Variants in CSMD1 observed in about 807,000 individuals in gnomAD.
The protein encoded by CSMD1 is CUB and sushi domain-containing protein 1.
In CSMD1, 213 loss-of-function variants were observed where a neutral mutation model predicts 417.5. The observed-to-expected ratio is 0.51, with a 90% CI of 0.46 to 0.57. CSMD1 has a LOEUF of 0.57. Ranked by LOEUF, CSMD1 falls within the 20% of genes least tolerant of loss-of-function variation. The pLI, the probability that CSMD1 is intolerant of heterozygous loss-of-function variation, is 0.00. For synonymous variants in CSMD1, 2,862 were observed against 1,736.8 expected, an observed-to-expected ratio of 1.65 and a Z score of -16.11; for missense variants, 6,923 against 4,529.7, an observed-to-expected ratio of 1.53 and a Z score of -15.17.
At chr8:3,226,783 C>G (rs1336993893) in intron 27 of CSMD1, among the ~76,000 whole-genome samples, 1 of 151,774 alleles carries the variant, frequency 6.6e-6, no homozygotes, top group Non-Finnish European at 1.5e-5. Flanking sequence ...TAAGTGTTGT[C>G]ACACACAACA....
chr8:3,818,777 C>G (rs2129081290), intron 5 of CSMD1, among the ~76,000 whole-genome samples: 1 of 152,220 alleles, frequency 6.6e-6, no homozygotes, highest in African/African-American at 2.4e-5. Context: ...CTGGCATAAC[C>G]CCAAAACACC....
At chr8:4,207,735 T>C (rs1161304617) in intron 3 of CSMD1, among the ~76,000 whole-genome samples, 1 of 152,026 alleles carries the variant, frequency 6.6e-6, no homozygotes, top group African/African-American at 2.4e-5. Context: ...AAAATAACAG[T>C]AGATACTGTA....
chr8:4,360,480 C>T (rs558732308), intron 3 of CSMD1, among the ~76,000 whole-genome samples: 2 of 152,074 alleles, frequency 1.3e-5, no homozygotes, highest in Non-Finnish European at 2.9e-5. Context: ...TTTTCTTGCA[C>T]ATACTTCCTG....
chr8:4,985,368 A>AAAATG (rs1811121641), intron 1 of CSMD1, among the ~76,000 whole-genome samples: 1 of 151,424 alleles, frequency 6.6e-6, no homozygotes, highest in African/African-American at 2.4e-5. Flanking sequence ...CCTGGAACTT[A>AAAATG]AAAGTTTTTT....
At chr8:3,990,003 G>A (rs1188935551) in intron 5 of CSMD1, among the ~76,000 whole-genome samples, 1 of 152,240 alleles carries the variant, frequency 6.6e-6, no homozygotes, top group African/African-American at 2.4e-5. Context: ...ACACGAGGAT[G>A]TGCCAGTTGG....
Position 3,774,739 on chromosome 8 carries a change from G to A in CSMD1, c.819-20697C>T, listed in dbSNP as rs551199965. On this transcript the variant is annotated intron_variant, in intron 5 of 69. Transcript: ENST00000635120. ...TTTCTGCTCTCAAATTTTGGTGAAA[G>A]GATTTCTATTTACTATTCTAATGAG... Among the ~76,000 whole-genome samples, 17 of 152,192 alleles carry A rather than the reference G, an allele frequency of 1.1e-4. No individual in the cohort carries two copies. The East Asian group carries it at 1.7e-3, about 16-fold the overall frequency.
chr8:4,160,206 C>A (rs1170026022), intron 3 of CSMD1, among the ~76,000 whole-genome samples: 1 of 151,980 alleles, frequency 6.6e-6, no homozygotes, highest in Non-Finnish European at 1.5e-5. Flanking sequence ...TTTTATATAG[C>A]AAAAATCTGG....
At chr8:3,599,862 G>A (rs562999306) in intron 8 of CSMD1, among the ~76,000 whole-genome samples, 14 of 152,288 alleles carry the variant, frequency 9.2e-5, no homozygotes, top group Non-Finnish European at 1.5e-4. Flanking sequence ...TCATACACAA[G>A]AAAGTGTAAT....
chr8:3,926,106 C>T (rs1457788056), intron 5 of CSMD1, among the ~76,000 whole-genome samples: 8 of 51,102 alleles, frequency 1.6e-4, no homozygotes, highest in African/African-American at 3.2e-4. Context: ...CACACACACA[C>T]ACACACACAC....
intron 3 of CSMD1, among the ~76,000 whole-genome samples, chr8:4,376,588 G>T (rs1200149836): frequency 6.6e-6 from 1 of 151,594 alleles, no homozygotes; most frequent in African/African-American, 2.4e-5. Flanking sequence ...ACAACATTGA[G>T]TTAGTCTGAC....
intron 3 of CSMD1, among the ~76,000 whole-genome samples, chr8:4,107,037 A>G (rs772927448): frequency 2.6e-5 from 4 of 152,198 alleles, no homozygotes; most frequent in Non-Finnish European, 4.4e-5. Flanking sequence ...GCTGCCACAT[A>G]TCACGCGGCA....
At chr8:3,938,315 G>C (rs530013605) in intron 5 of CSMD1, among the ~76,000 whole-genome samples, 9 of 152,226 alleles carry the variant, frequency 5.9e-5, no homozygotes, top group African/African-American at 1.9e-4. Context: ...TAAATAATTT[G>C]TGTTTTGGAA....
intron 5 of CSMD1, among the ~76,000 whole-genome samples, chr8:3,868,391 C>T (rs530243889): frequency 6.6e-6 from 1 of 152,222 alleles, no homozygotes; most frequent in Non-Finnish European, 1.5e-5. Flanking sequence ...CCACAGGTCC[C>T]TGCTGTGCAG....
intron 4 of CSMD1, among the ~76,000 whole-genome samples, chr8:4,021,861 A>T (rs1469186729): frequency 6.6e-6 from 1 of 152,102 alleles, no homozygotes; most frequent in Non-Finnish European, 1.5e-5. Context: ...ACAATGAAAT[A>T]GTGCCATCCC....
At chr8:3,069,127 G>C (rs927586714) in intron 49 of CSMD1, among the ~76,000 whole-genome samples, 2 of 152,040 alleles carry the variant, frequency 1.3e-5, no homozygotes, top group African/African-American at 4.8e-5. Flanking sequence ...TTCCAATAGG[G>C]AGAAATTGGC....
rs1227780833 is a variant in CSMD1, at chr8:3,325,729, C to G, written c.3632-17226G>C. ...ATCCCAGCTACTCGGGAAGCTGAGG[C>G]AAGGGAATTGCTTGAACCCGGGAGG... On this transcript the variant is annotated intron_variant, in intron 23 of 69. Coordinates refer to ENST00000635120, the MANE Select transcript of CSMD1 (RefSeq NM_033225.6). 3.9e-5 allele frequency among the ~76,000 whole-genome samples: 6 copies of G among 152,228 alleles called. No homozygotes were observed. The East Asian group carries it at 9.7e-4, about 25-fold the overall frequency.
At chr8:3,045,449 G>A (rs939330312) in intron 50 of CSMD1, among the ~76,000 whole-genome samples, 1 of 152,094 alleles carries the variant, frequency 6.6e-6, no homozygotes, top group African/African-American at 2.4e-5. Context: ...TTTTACATAG[G>A]CACAAAACCG....
chr8:2,999,876 AGGTGTAT>A (rs1175904279), intron 53 of CSMD1, 75 bp downstream of exon 53: 4 of 1,169,822 alleles, frequency 3.4e-6, no homozygotes, highest in Non-Finnish European at 4.7e-6. Flanking sequence ...AAGATTAAAC[AGGTGTAT>A]ATTGTGACCT....
chr8:4,154,376 A>G (rs547863111), intron 3 of CSMD1, among the ~76,000 whole-genome samples: 45 of 152,340 alleles, frequency 3.0e-4, no homozygotes, highest in African/African-American at 9.4e-4. Context: ...TTTGTGACAT[A>G]TATCTCTAAT....
Sources: gnomAD v4.1 joint callset for allele counts (sites outside exome capture counted in the v4.1 genomes callset) on GRCh38, gnomAD v4.1.1 for gene constraint, MANE v1.5 for transcripts, NCBI Gene and HGNC (gene_info 2026-07-23, HGNC 2026-07-21) for gene names.